Variants in GJB6 observed in about 807,000 individuals in gnomAD.
GJB6 encodes the protein gap junction beta-6 protein.
A neutral mutation model predicts 5.4 loss-of-function variants in GJB6; 5 were observed. That is an observed-to-expected ratio of 0.92 (90% CI 0.48 to 1.93). GJB6 has a LOEUF of 1.93. GJB6 is among the 30% of genes most tolerant of loss of function. The probability of loss-of-function intolerance (pLI) is 0.01; values close to 1 mark genes in which losing one functional copy is unlikely to be tolerated. For missense variants in GJB6, 298 were observed against 326.9 expected (o/e 0.91, Z 0.68); for synonymous variants, 136 against 129.6 (o/e 1.05, Z -0.34).
At chr13:20,228,164 C>T (rs2137348214) in intron 4 of GJB6, among the ~76,000 whole-genome samples, 1 of 152,336 alleles carries the variant, frequency 6.6e-6, no homozygotes, top group Non-Finnish European at 1.5e-5. Flanking sequence ...CCACTGGGAC[C>T]CTTTGCAACT....
chr13:20,224,925 G>T (rs115308867), intron 4 of GJB6, among the ~76,000 whole-genome samples: 11 of 152,062 alleles, frequency 7.2e-5, no homozygotes, highest in African/African-American at 2.2e-4. Flanking sequence ...TGGACCTCAC[G>T]CTCTGGCCCA....
chr13:20,222,420 C>G lies in GJB6; in HGVS notation c.*275G>C, dbSNP rs922896238. 2 of 404,858 alleles carry G rather than the reference C, an allele frequency of 4.9e-6. No individual in the cohort carries two copies. 25.1% of individuals were successfully genotyped at this position (404,858 alleles called of 1,614,324 possible). On this transcript the variant is annotated 3_prime_UTR_variant, in exon 5 of 5. Transcript: ENST00000647029. ...AGTTATATAAATTTTCAGAAAGTAC[C>G]CACTTTGTCAGAGAGTCCACTTAAA...
chr13:20,230,160 A>G (rs533660083), intron 3 of GJB6: 16 of 152,330 alleles, frequency 1.1e-4, no homozygotes, highest in African/African-American at 2.9e-4. Context: ...CCAAGGGACA[A>G]CCTGATAGTT....
chr13:20,226,830 T>C (rs1240170371), intron 4 of GJB6, among the ~76,000 whole-genome samples: 1 of 152,220 alleles, frequency 6.6e-6, no homozygotes, highest in Non-Finnish European at 1.5e-5. Flanking sequence ...TATCAAAAAA[T>C]GGTTCACATT....
intron 4 of GJB6, among the ~76,000 whole-genome samples, chr13:20,228,473 GTTT>G (rs200751103): frequency 7.3e-5 from 11 of 149,782 alleles, no homozygotes; most frequent in African/African-American, 2.7e-4. Flanking sequence ...GTTTGTTTTT[GTTT>G]TTTGTTTTTG....
intron 3 of GJB6, chr13:20,230,122 T>C (rs1420799808): frequency 6.6e-6 from 1 of 152,182 alleles, no homozygotes; most frequent in Non-Finnish European, 1.5e-5. Context: ...AGAATAGATT[T>C]CTTTTGTCTC....
At chr13:20,224,871 G>T (rs949041548) in intron 4 of GJB6, among the ~76,000 whole-genome samples, 4 of 152,124 alleles carry the variant, frequency 2.6e-5, no homozygotes, top group African/African-American at 9.7e-5. Context: ...ATCCCTGAGT[G>T]GGTGAGGGAC....
chr13:20,225,122 G>A (rs1360487921), intron 4 of GJB6, among the ~76,000 whole-genome samples: 1 of 152,196 alleles, frequency 6.6e-6, no homozygotes, highest in Admixed American at 6.5e-5. Flanking sequence ...AGTTCCGTTG[G>A]CTTTCTGAGA....
At position 20,223,045 on chromosome 13, in the gene GJB6, A is replaced by G; in HGVS notation, c.436T>C (p.Phe146Leu). ...YTSSIFFRII[F>L]EAAFMYVFYF... ...AACACATACATAAAGGCTGCTTCAA[A>G]GATGATTCGGAAAAAGATGCTGCTG... The change falls in exon 5 of 5, where the codon TTT becomes CTT. Residue 146 changes from phenylalanine (F) to leucine (L), a missense_variant. Coordinates refer to ENST00000647029, the MANE Select transcript of GJB6 (RefSeq NM_001110219.3). 1 of 1,613,346 alleles carries G rather than the reference A, an allele frequency of 6.2e-7. No homozygotes were observed. Among genetic ancestry groups the G allele is most frequent in the Non-Finnish European group, 8.5e-7 (1 of 1,179,218 alleles).
chr13:20,232,310 G>C lies in GJB6; in HGVS notation c.-536C>G, dbSNP rs1050809828. The stretch of plus-strand genomic sequence containing the variant: ...GGCTGTCGGGCTCTCGTCGGGTTTC[G>C]GGTGAAGGCCCCGGCTCCCACCTGC... On this transcript the variant is annotated 5_prime_UTR_variant, in exon 1 of 5. Transcript: ENST00000647029. The C allele has an allele frequency of 1.1e-4, 17 of 152,204 alleles. No individual in the cohort carries two copies. The highest frequency in any genetic ancestry group is 3.1e-4 in the African/African-American group (13 of 41,536). The allele number at this position is 152,204 out of a possible 1,614,324, so 9.4% of individuals were successfully genotyped here.
rs560317229 is a variant in GJB6 at position 20,224,220 on chromosome 13, G to GA, written c.-15-726dup. Among the ~76,000 whole-genome samples the GA allele has an allele frequency of 2.8e-3, 431 of 151,644 alleles. 3 individuals are homozygous for GA. The highest frequency in any genetic ancestry group is 9.7e-3 in the African/African-American group (403 of 41,370). On this transcript the variant is annotated intron_variant, in intron 4 of 4. Transcript: ENST00000647029. ...ATTCATTAAATAGCTTATTCAGGGG[G>GA]AAAAAAAACTTTCATTGGAATGACA... is the stretch of plus-strand genomic sequence containing the variant.
chr13:20,228,765 T>C (rs1869827290), intron 4 of GJB6, among the ~76,000 whole-genome samples: 1 of 152,030 alleles, frequency 6.6e-6, no homozygotes, highest in South Asian at 2.1e-4. Context: ...ATTACAAGCA[T>C]GAGCCACCGC....
chr13:20,228,833 A>T (rs1253091138), intron 4 of GJB6, among the ~76,000 whole-genome samples: 3 of 152,058 alleles, frequency 2.0e-5, no homozygotes, highest in Non-Finnish European at 4.4e-5. Flanking sequence ...TCTAGCTCTA[A>T]AAATAAGTAA....
rs766791253 is a variant in GJB6 at position 20,223,099 on chromosome 13, T to A, written c.382A>T (p.Ile128Leu). Residue 128 changes from isoleucine (I) to leucine (L), a missense_variant, in exon 5 of 5, where the codon ATA becomes TTA. Ile to Leu is a conservative substitution (Grantham distance 5, BLOSUM62 2). Coordinates refer to ENST00000647029, the MANE Select transcript of GJB6 (RefSeq NM_001110219.3). ...IEDIKKQKVR[I>L]EGSLWWTYTS... ...TACGTCCACCACAGCGACCCCTCTA[T>A]CCGAACCTTCTGCTTTTTAATGTCC... 3.7e-6 allele frequency: 6 copies of A among 1,613,934 alleles called. No individual in the cohort carries two copies. The Admixed American group carries it at 8.3e-5, about 22-fold the overall frequency.
rs1358918253 is a variant in GJB6 at position 20,222,284 on chromosome 13, T to C, written c.*411A>G. On this transcript the variant is annotated 3_prime_UTR_variant, in exon 5 of 5. Coordinates refer to ENST00000647029, the MANE Select transcript of GJB6 (RefSeq NM_001110219.3). ...TCCAGGTAAGGAAGACCAGTCATTA[T>C]AAAAATACTTTATATAAATTCAAAG... The C allele has an allele frequency of 5.7e-6, 1 of 173,962 alleles. No homozygotes were observed. The highest frequency in any genetic ancestry group is 2.4e-5 in the African/African-American group (1 of 41,728). 10.8% of individuals were successfully genotyped at this position (173,962 alleles called of 1,614,324 possible).
At chr13:20,229,243 G>T (rs1027375713) in intron 4 of GJB6, among the ~76,000 whole-genome samples, 2 of 146,200 alleles carry the variant, frequency 1.4e-5, no homozygotes, top group African/African-American at 2.5e-5. Flanking sequence ...CTGCCTCCCC[G>T]GTTCTAGTGA....
intron 4 of GJB6, among the ~76,000 whole-genome samples, chr13:20,228,423 G>A (rs1044246112): frequency 1.3e-5 from 2 of 151,822 alleles, no homozygotes; most frequent in East Asian, 1.9e-4. Context: ...TGTAGTAAAT[G>A]TAATCATAGT....
At chr13:20,229,198 G>T (rs1282457311) in intron 4 of GJB6, among the ~76,000 whole-genome samples, 4 of 146,542 alleles carry the variant, frequency 2.7e-5, no homozygotes, top group Non-Finnish European at 6.0e-5. Flanking sequence ...GCCCAGGGTG[G>T]AGTGCAATGG....
chr13:20,222,815 T>C lies in GJB6; in HGVS notation c.666A>G (p.Ser222=), dbSNP rs138571061. 2.4e-5 allele frequency: 38 copies of C among 1,614,086 alleles called. No homozygotes were observed. The Middle Eastern group carries it at 6.6e-4, about 28-fold the overall frequency. The change falls in exon 5 of 5, where the codon TCA becomes TCG. Residue 222 remains serine (S), a synonymous_variant. Coordinates refer to ENST00000647029, the MANE Select transcript of GJB6 (RefSeq NM_001110219.3). ...YLLLKVCFRR[S]KRAQTQKNHP... ...GATTTTTTTGCGTCTGTGCTCTCTTTGATCTCCTAAAACACACTTTCAGCA... is the reference window on the plus strand; with the variant it reads ...GATTTTTTTGCGTCTGTGCTCTCTTCGATCTCCTAAAACACACTTTCAGCA...
Sources: gnomAD v4.1 joint callset for allele counts (sites outside exome capture counted in the v4.1 genomes callset) on GRCh38, gnomAD v4.1.1 for gene constraint, MANE v1.5 for transcripts, NCBI Gene and HGNC (gene_info 2026-07-23, HGNC 2026-07-21) for gene names.